The following ZNF169 variants were observed in gnomAD, a reference collection of about 807,000 sequenced individuals.
ZNF169 encodes zinc finger protein 169.
Under a neutral mutation model 12.0 loss-of-function variants are expected in ZNF169, and 11 were observed. The observed-to-expected ratio is 0.92, with a 90% CI of 0.58 to 1.52. The LOEUF is 1.52. ZNF169 is among the 40% of genes most tolerant of loss of function. The pLI is 0.00. For synonymous variants in ZNF169, 302 were observed against 286.5 expected (o/e 1.05, Z -0.55); for missense variants, 722 against 744.0 (o/e 0.97, Z 0.34).
chr9:94,267,710 A>G (rs1830318478), intron 1 of ZNF169, among the ~76,000 whole-genome samples: 2 of 152,206 alleles, frequency 1.3e-5, no homozygotes, highest in South Asian at 4.1e-4. Flanking sequence ...CATGCAGTTA[A>G]TTCCTGTTGT....
Position 94,267,912 on chromosome 9 carries a change from A to G in ZNF169, c.-56+8567A>G, listed in dbSNP as rs1587669492. 2.3e-5 allele frequency among the ~76,000 whole-genome samples: 3 copies of G among 128,256 alleles called. No individual in the cohort carries two copies. In the East Asian group the frequency reaches 6.9e-4, roughly 30 times the overall value. The allele number at this position is 128,256 out of a possible 152,430, so 84.1% of individuals were successfully genotyped here. A position where few individuals can be genotyped will look rare whatever the true frequency, so the allele number is the denominator to read the frequency against. ...CAGAGTTTTGCTCTTGTTGCCCAGG[A>G]TGGAGTGCAATGGTGTGATCTCAGC... On this transcript the variant is annotated intron_variant, in intron 1 of 4. Transcript: ENST00000395395.
chr9:94,300,289 G>T lies in ZNF169; in HGVS notation c.731G>T (p.Cys244Phe). The change falls in exon 5 of 5, where the codon TGC becomes TTC. Residue 244 changes from cysteine (C) to phenylalanine (F), a missense_variant. Coordinates refer to ENST00000395395, the MANE Select transcript of ZNF169 (RefSeq NM_194320.4). The part of the protein sequence containing the change: ...HVCPECGRGF[C>F]QRSDLIKHQR... The stretch of plus-strand genomic sequence containing the variant: ...TGCCCTGAATGCGGGAGAGGCTTTT[G>T]CCAGAGATCAGACCTTATCAAGCAC... The T allele has an allele frequency of 6.2e-7, 1 of 1,614,194 alleles. No individual in the cohort carries two copies. Among genetic ancestry groups the T allele is most frequent in the Non-Finnish European group, 8.5e-7 (1 of 1,180,030 alleles).
At chr9:94,262,162 T>G (rs944743781) in intron 1 of ZNF169, among the ~76,000 whole-genome samples, 3 of 152,162 alleles carry the variant, frequency 2.0e-5, no homozygotes, top group African/African-American at 7.2e-5. Flanking sequence ...TCCCACTGGT[T>G]TTGAGATAGT....
Position 94,300,658 on chromosome 9 carries a change from C to T in ZNF169, c.1100C>T (p.Ser367Leu), listed in dbSNP as rs1336381975. The T allele has an allele frequency of 6.2e-7, 1 of 1,614,036 alleles. No individual in the cohort carries two copies. Among genetic ancestry groups the T allele is most frequent in the Non-Finnish European group, 8.5e-7 (1 of 1,180,030 alleles). ...GCATCACTCCTCCAGCACCAGAGCT[C>T]ACACACAGGGGAGAGGCCCTTCCTG... is the stretch of plus-strand genomic sequence containing the variant. ...QKASLLQHQS[S>L]HTGERPFLCL... The change falls in exon 5 of 5, where the codon TCA becomes TTA. Residue 367 changes from serine to leucine, a missense_variant. Ser to Leu is a moderately radical substitution (Grantham distance 145, BLOSUM62 -2). Transcript: ENST00000395395.
At chr9:94,276,621 T>C (rs1830524563) in intron 1 of ZNF169, among the ~76,000 whole-genome samples, 1 of 152,082 alleles carries the variant, frequency 6.6e-6, no homozygotes, top group South Asian at 2.1e-4. Flanking sequence ...CTTGAACTCC[T>C]GACCTCGTCA....
chr9:94,261,087 A>AGTGGG (rs1830198406), intron 1 of ZNF169, among the ~76,000 whole-genome samples: 2 of 149,040 alleles, frequency 1.3e-5, no homozygotes, highest in Non-Finnish European at 3.0e-5. Flanking sequence ...GCTGGAGTGC[A>AGTGGG]GTGGGGTGGC....
In ZNF169 at chr9:94,271,502, A is replaced by G. The variant is rs1324099115; in HGVS notation, c.-55-7256A>G. Among the ~76,000 whole-genome samples the G allele has an allele frequency of 2.0e-5, 3 of 152,086 alleles. No individual in the cohort carries two copies. In the East Asian group the frequency reaches 5.8e-4, roughly 29 times the overall value. On this transcript the variant is annotated intron_variant, in intron 1 of 4. Coordinates refer to ENST00000395395, the MANE Select transcript of ZNF169 (RefSeq NM_194320.4). The stretch of plus-strand genomic sequence containing the variant: ...TTTGGGAGGCCGAGGCGGGCAGATC[A>G]CTCGGTCAAAAGATCCAGACCACCC...
At chr9:94,281,279 C>T (rs1830626267) in intron 2 of ZNF169, among the ~76,000 whole-genome samples, 1 of 152,154 alleles carries the variant, frequency 6.6e-6, no homozygotes, top group African/African-American at 2.4e-5. Flanking sequence ...CTTTGTTATG[C>T]ATCAGATCTG....
At chr9:94,263,658 G>A (rs1415256521) in intron 1 of ZNF169, among the ~76,000 whole-genome samples, 5 of 151,676 alleles carry the variant, frequency 3.3e-5, no homozygotes, top group Non-Finnish European at 5.9e-5. Context: ...CAAAGTGCTG[G>A]GATTACAGGC....
In ZNF169 at chr9:94,299,914, T is replaced by C. The variant is rs141402802; in HGVS notation, c.356T>C (p.Ile119Thr). The change falls in exon 5 of 5, where the codon ATC (isoleucine) becomes ACC (threonine). Residue 119 changes from isoleucine to threonine, a missense_variant. By Grantham distance (89) the Ile-to-Thr change is moderately conservative. Coordinates refer to ENST00000395395, the MANE Select transcript of ZNF169 (RefSeq NM_194320.4). Reference protein sequence around the residue: ...QYALSGHPTQIFPSSSAGGDF... With the variant: ...QYALSGHPTQTFPSSSAGGDF... Reference sequence around the variant, plus strand: ...GCGCTAAGTGGCCATCCCACACAGATCTTCCCAAGCTCATCTGCAGGAGGT... The same window carrying C: ...GCGCTAAGTGGCCATCCCACACAGACCTTCCCAAGCTCATCTGCAGGAGGT... 5.0e-6 allele frequency: 8 copies of C among 1,613,982 alleles called. No individual in the cohort carries two copies. Among genetic ancestry groups the C allele is most frequent in the African/African-American group, 2.7e-5 (2 of 74,886 alleles).
chr9:94,273,414 T>A (rs956359833), intron 1 of ZNF169, among the ~76,000 whole-genome samples: 1 of 151,832 alleles, frequency 6.6e-6, no homozygotes, highest in Non-Finnish European at 1.5e-5. Flanking sequence ...CTCTATAGTT[T>A]TATTTCTATT....
At chr9:94,288,088 T>C in intron 2 of ZNF169, 1 of 798,916 alleles carries the variant, frequency 1.3e-6, no homozygotes, top group East Asian at 2.5e-5. Flanking sequence ...TCAAAATTCA[T>C]CTGGTAGCTA....
rs1369307490 is a variant in ZNF169, at chr9:94,292,414, G to A, written c.107G>A (p.Arg36Lys). The A allele has an allele frequency of 6.2e-7, 1 of 1,614,162 alleles. No individual in the cohort carries two copies. Among genetic ancestry groups the A allele is most frequent in the Admixed American group, 1.7e-5 (1 of 60,026 alleles). Reference protein sequence around the residue: ...KEWKLLSSAQRTLYREVMLEN... With the variant: ...KEWKLLSSAQKTLYREVMLEN... ...TGGAAGCTATTGAGTTCTGCTCAGA[G>A]GACCCTGTACAGGGAGGTGATGCTG... Residue 36 changes from arginine (R) to lysine (K), a missense_variant, in exon 3 of 5, where the codon AGG (arginine) becomes AAG (lysine). Transcript: ENST00000395395.
chr9:94,289,138 C>T (rs920799434), intron 2 of ZNF169, among the ~76,000 whole-genome samples: 7 of 152,028 alleles, frequency 4.6e-5, no homozygotes, highest in African/African-American at 1.7e-4. Flanking sequence ...GGTGGCTTAT[C>T]CTGTAATGCC....
intron 1 of ZNF169, among the ~76,000 whole-genome samples, chr9:94,266,512 C>T (rs186013490): frequency 2.0e-4 from 30 of 152,290 alleles, no homozygotes; most frequent in Admixed American, 4.6e-4. Context: ...AACAGCAACA[C>T]ATATAAATAG....
At chr9:94,275,978 T>C (rs1431121521) in intron 1 of ZNF169, among the ~76,000 whole-genome samples, 1 of 151,944 alleles carries the variant, frequency 6.6e-6, no homozygotes, top group African/African-American at 2.4e-5. Context: ...TTCACCATGT[T>C]GGCCAGGCTG....
At chr9:94,279,278 C>T (rs1013720254) in intron 2 of ZNF169, among the ~76,000 whole-genome samples, 12 of 152,018 alleles carry the variant, frequency 7.9e-5, no homozygotes, top group Non-Finnish European at 1.6e-4. Flanking sequence ...GTAATCCCAG[C>T]TACTAGGGAG....
chr9:94,261,400 A>C (rs1265786639), intron 1 of ZNF169, among the ~76,000 whole-genome samples: 2 of 152,148 alleles, frequency 1.3e-5, no homozygotes, highest in East Asian at 3.9e-4. Flanking sequence ...GGCCTCCCAA[A>C]GTGCTGGGAT....
At chr9:94,299,456 C>T in intron 4 of ZNF169, 1 of 976,820 alleles carries the variant, frequency 1.0e-6, no homozygotes. Context: ...AGCTCAGACA[C>T]CAAGTTCTTG....
Sources: gnomAD v4.1 joint callset for allele counts (sites outside exome capture counted in the v4.1 genomes callset) on GRCh38, gnomAD v4.1.1 for gene constraint, MANE v1.5 for transcripts, NCBI Gene and HGNC (gene_info 2026-07-23, HGNC 2026-07-21) for gene names.